Variants in FAH observed in about 807,000 individuals in gnomAD.
FAH encodes fumarylacetoacetase.
Under a neutral mutation model 55.8 loss-of-function variants are expected in FAH, and 47 were observed. That is an observed-to-expected ratio of 0.84 (90% confidence interval 0.67 to 1.07). The LOEUF (loss-of-function observed/expected upper bound fraction) is 1.07. Among genes scored for constraint, FAH ranks in the 50% least tolerant of loss-of-function variants. The pLI is 0.00. For missense variants in FAH, 495 were observed against 545.9 expected, an observed-to-expected ratio of 0.91 and a Z score of 0.93; for synonymous variants, 199 against 207.7, an observed-to-expected ratio of 0.96 and a Z score of 0.36.
At chr15:80,167,676 C>T (rs1186076286) in intron 5 of FAH, among the ~76,000 whole-genome samples, 1 of 151,902 alleles carries the variant, frequency 6.6e-6, no homozygotes, top group East Asian at 1.9e-4. Context: ...GGACTACAGG[C>T]GTGCACCACT....
intron 4 of FAH, 80 bp downstream of exon 4, chr15:80,160,539 A>T (rs2041139916): frequency 7.1e-7 from 1 of 1,405,972 alleles, no homozygotes; most frequent in Non-Finnish European, 1.0e-6. Flanking sequence ...TTGGTTCTGC[A>T]TCTGTGTGGA....
intron 3 of FAH, 83 bp downstream of exon 3, chr15:80,159,960 TCACGG>T: frequency 1.9e-6 from 3 of 1,541,736 alleles, no homozygotes; most frequent in Non-Finnish European, 2.6e-6. Flanking sequence ...CCATTCTGAG[TCACGG>T]CTTGGCAGCC....
At chr15:80,154,463 A>T (rs1010008891) in intron 1 of FAH, among the ~76,000 whole-genome samples, 2 of 152,218 alleles carry the variant, frequency 1.3e-5, no homozygotes, top group African/African-American at 4.8e-5. Flanking sequence ...GCCACTACAG[A>T]TGTCTGGAAG....
chr15:80,171,517 G>A (rs867131136), intron 7 of FAH, among the ~76,000 whole-genome samples: 1 of 152,106 alleles, frequency 6.6e-6, no homozygotes, highest in African/African-American at 2.4e-5. Flanking sequence ...CTGGAGTGCC[G>A]TGGCGTGATC....
intron 9 of FAH, chr15:80,173,506 C>T: frequency 5.3e-6 from 2 of 379,334 alleles, no homozygotes; most frequent in South Asian, 4.3e-5. Flanking sequence ...GCAAATGGCG[C>T]CACCTGGACC....
At chr15:80,163,310 G>C (rs992477291) in intron 5 of FAH, 1 of 152,302 alleles carries the variant, frequency 6.6e-6, no homozygotes, top group African/African-American at 2.4e-5. Context: ...CAGGCTCCAG[G>C]CTGTATTTGT....
chr15:80,169,774 C>A (rs933406992), intron 7 of FAH, among the ~76,000 whole-genome samples: 1 of 152,204 alleles, frequency 6.6e-6, no homozygotes, highest in Admixed American at 6.5e-5. Context: ...ACCTCGTGAT[C>A]CACCTGCCTC....
chr15:80,180,339 A>G (rs2041320799), intron 12 of FAH, 114 bp downstream of exon 12: 7 of 783,200 alleles, frequency 8.9e-6, no homozygotes, highest in South Asian at 8.7e-5. Context: ...AGGTGGGTGT[A>G]TCTCACAACT....
intron 4 of FAH, among the ~76,000 whole-genome samples, chr15:80,162,028 C>T (rs1437632153): frequency 1.3e-5 from 2 of 152,208 alleles, no homozygotes; most frequent in African/African-American, 2.4e-5. Flanking sequence ...AGTCTGGACT[C>T]CTGATTTCTT....
At chr15:80,157,344 A>G (rs1349293738) in intron 1 of FAH, 1 of 153,184 alleles carries the variant, frequency 6.5e-6, no homozygotes, top group African/African-American at 2.4e-5. Flanking sequence ...GAGAGCTGGA[A>G]GCCTGGCTCA....
At chr15:80,181,234 A>G in intron 13 of FAH, 75 bp downstream of exon 13, 2 of 1,035,802 alleles carry the variant, frequency 1.9e-6, no homozygotes, top group Admixed American at 1.7e-5. Flanking sequence ...GGGCGCTCCT[A>G]CCTGGCCATG....
chr15:80,179,419 G>T (rs1441651164), intron 11 of FAH, among the ~76,000 whole-genome samples: 2 of 152,196 alleles, frequency 1.3e-5, no homozygotes, highest in Non-Finnish European at 2.9e-5. Context: ...TCCTTGCAGG[G>T]GCTCGTGGGC....
intron 11 of FAH, among the ~76,000 whole-genome samples, chr15:80,178,176 C>T (rs571908164): frequency 2.0e-5 from 3 of 151,780 alleles, no homozygotes; most frequent in Non-Finnish European, 2.9e-5. Flanking sequence ...TTCCAGCATG[C>T]GTGACAGAGC....
At chr15:80,186,370 T>C (rs1223349692), downstream of FAH, 4 of 700,790 alleles carry the variant, frequency 5.7e-6, no homozygotes, top group African/African-American at 3.5e-5. Context: ...TGTCCACTTA[T>C]GATCGTGATT....
intron 10 of FAH, among the ~76,000 whole-genome samples, chr15:80,176,106 C>T (rs1978816): frequency 0.51 from 77,751 of 151,904 alleles, 21,041 homozygotes; most frequent in East Asian, 0.77. Context: ...CAACCTCTGC[C>T]CCTGGGTTCA....
intron 5 of FAH, among the ~76,000 whole-genome samples, chr15:80,164,529 A>AACACAC (rs10653816): frequency 4.3e-4 from 65 of 150,740 alleles, no homozygotes; most frequent in African/African-American, 1.5e-3. Context: ...TTTTCAGCTT[A>AACACAC]ACACACACAC....
chr15:80,186,264 G>A lies in FAH; in HGVS notation c.*55G>A, dbSNP rs532009626. Reference sequence around the variant, plus strand: ...GCTCAAGCACCCCTTTCAACCCTGTGACTGGGGTCCTCCCTCGGGCTGTAG... The same window carrying A: ...GCTCAAGCACCCCTTTCAACCCTGTAACTGGGGTCCTCCCTCGGGCTGTAG... On this transcript the variant is annotated 3_prime_UTR_variant, in exon 14 of 14. Coordinates refer to ENST00000561421, the MANE Select transcript of FAH (RefSeq NM_000137.4). 2.0e-5 allele frequency: 29 copies of A among 1,419,386 alleles called. No individual in the cohort carries two copies. The African/African-American group carries it at 3.9e-4, about 19-fold the overall frequency. 87.9% of individuals were successfully genotyped at this position (1,419,386 alleles called of 1,614,324 possible).
intron 7 of FAH, chr15:80,168,531 A>T (rs931636519): frequency 5.0e-5 from 30 of 603,714 alleles, no homozygotes; most frequent in Admixed American, 1.2e-4. Context: ...GCTAATATTT[A>T]TTTGTAAGTC....
intron 1 of FAH, among the ~76,000 whole-genome samples, chr15:80,154,662 G>T (rs1567113327): frequency 6.6e-6 from 1 of 152,248 alleles, no homozygotes; most frequent in South Asian, 2.1e-4. Flanking sequence ...TCAGCAGTCA[G>T]CCTTTCCTAA....
Sources: allele counts gnomAD v4.1 joint callset (sites outside exome capture counted in the v4.1 genomes callset), GRCh38; gene constraint gnomAD v4.1.1; transcripts MANE v1.5; gene names NCBI Gene and HGNC (gene_info 2026-07-23, HGNC 2026-07-21).